ANKRD6: variants seen among roughly 807,000 people sequenced by gnomAD.
The protein encoded by ANKRD6 is ankyrin repeat domain 6.
ANKRD6 carries 56 observed loss-of-function variants against 82.3 expected under a neutral mutation model. The ratio of observed to expected loss-of-function variants is 0.68; its 90% CI spans 0.55 to 0.85. The LOEUF is 0.85. ANKRD6 is among the 40% of genes least tolerant of loss of function. ANKRD6 has a pLI of 0.00. For missense variants in ANKRD6, 852 were observed against 907.6 expected (o/e 0.94, Z 0.79); for synonymous variants, 347 against 352.1 (o/e 0.99, Z 0.16).
chr6:89,594,826 T>C (rs1795558361), intron 2 of ANKRD6, among the ~76,000 whole-genome samples: 1 of 152,202 alleles, frequency 6.6e-6, no homozygotes, highest in Non-Finnish European at 1.5e-5. Context: ...CACTGCAGCC[T>C]TGACCTCCTG....
chr6:89,522,549 A>C (rs1782011929), intron 1 of ANKRD6, among the ~76,000 whole-genome samples: 1 of 151,824 alleles, frequency 6.6e-6, no homozygotes. Context: ...AGAAACAACT[A>C]CTCTTCTAAA....
At chr6:89,610,382 AGC>A (rs1799918926) in intron 5 of ANKRD6, among the ~76,000 whole-genome samples, 6 of 152,144 alleles carry the variant, frequency 3.9e-5, no homozygotes, top group Admixed American at 3.9e-4. Context: ...TCTTAAACTT[AGC>A]ATAATGTTTT....
chr6:89,476,907 A>C (rs1273093395), intron 1 of ANKRD6, among the ~76,000 whole-genome samples: 1 of 152,220 alleles, frequency 6.6e-6, no homozygotes, highest in East Asian at 1.9e-4. Context: ...CTCTTTTCAA[A>C]TATCATTTTT....
At chr6:89,576,700 C>A (rs1390631937) in intron 2 of ANKRD6, among the ~76,000 whole-genome samples, 4 of 152,106 alleles carry the variant, frequency 2.6e-5, no homozygotes, top group African/African-American at 9.7e-5. Flanking sequence ...CTGAAGCTCC[C>A]GTTGGGTCTG....
At chr6:89,492,784 C>T (rs1187550514) in intron 1 of ANKRD6, among the ~76,000 whole-genome samples, 1 of 152,108 alleles carries the variant, frequency 6.6e-6, no homozygotes, top group Non-Finnish European at 1.5e-5. Context: ...AGAACTGGAC[C>T]ATTTGGTACC....
intron 1 of ANKRD6, among the ~76,000 whole-genome samples, chr6:89,488,511 A>G (rs1311903173): frequency 3.3e-5 from 5 of 152,182 alleles, no homozygotes; most frequent in Non-Finnish European, 7.4e-5. Flanking sequence ...GCTGATCTCA[A>G]ATATGTTCAG....
intron 1 of ANKRD6, among the ~76,000 whole-genome samples, chr6:89,446,434 A>C (rs1772101588): frequency 6.6e-6 from 1 of 152,208 alleles, no homozygotes; most frequent in Admixed American, 6.5e-5. Context: ...AGTGAAAGGA[A>C]GAGTCTCACA....
chr6:89,498,345 A>G (rs1446308192), intron 1 of ANKRD6, among the ~76,000 whole-genome samples: 1 of 152,194 alleles, frequency 6.6e-6, no homozygotes, highest in Non-Finnish European at 1.5e-5. Flanking sequence ...GGGGGAAGGT[A>G]AGAGAACTAA....
intron 1 of ANKRD6, among the ~76,000 whole-genome samples, chr6:89,540,318 T>G (rs540903750): frequency 3.3e-5 from 5 of 152,336 alleles, no homozygotes; most frequent in African/African-American, 1.2e-4. Flanking sequence ...TTTTGGATAT[T>G]AAGCCATTTT....
chr6:89,507,128 TAAAC>T (rs953526633), intron 1 of ANKRD6, among the ~76,000 whole-genome samples: 10 of 152,226 alleles, frequency 6.6e-5, no homozygotes, highest in African/African-American at 2.4e-4. Flanking sequence ...ATCTGTAAAA[TAAAC>T]AAAGTAGGCT....
intron 1 of ANKRD6, among the ~76,000 whole-genome samples, chr6:89,511,224 C>G (rs1053806164): frequency 6.6e-6 from 1 of 152,246 alleles, no homozygotes; most frequent in African/African-American, 2.4e-5. Context: ...TGGATTCCTT[C>G]TCCTCTCAGG....
intron 2 of ANKRD6, among the ~76,000 whole-genome samples, chr6:89,571,756 G>A (rs1225310620): frequency 6.6e-6 from 1 of 152,154 alleles, no homozygotes; most frequent in Admixed American, 6.5e-5. Flanking sequence ...CAACTGGTGA[G>A]CCTATACTGA....
intron 1 of ANKRD6, among the ~76,000 whole-genome samples, chr6:89,434,904 A>C (rs1429985093): frequency 6.6e-6 from 1 of 152,182 alleles, no homozygotes; most frequent in Non-Finnish European, 1.5e-5. Flanking sequence ...AGGGTAGAAG[A>C]GGGATGAAGA....
At chr6:89,607,262 G>A (rs561704270) in intron 5 of ANKRD6, among the ~76,000 whole-genome samples, 9 of 151,244 alleles carry the variant, frequency 6.0e-5, no homozygotes, top group African/African-American at 2.2e-4. Context: ...AATGAAATAT[G>A]GAAAAGAAAA....
At chr6:89,558,466 G>T (rs183288211) in intron 1 of ANKRD6, among the ~76,000 whole-genome samples, 1 of 152,142 alleles carries the variant, frequency 6.6e-6, no homozygotes, top group Admixed American at 6.5e-5. Flanking sequence ...AAATAAGCCG[G>T]TCTGAAAAGG....
intron 1 of ANKRD6, among the ~76,000 whole-genome samples, chr6:89,490,041 C>T (rs1473243381): frequency 6.6e-6 from 1 of 152,196 alleles, no homozygotes. Flanking sequence ...TTGTATGCTA[C>T]CCAAGAGTCA....
At position 89,467,065 on chromosome 6, in the gene ANKRD6, T is replaced by C. The variant is rs1444617343; in HGVS notation, c.-144+33690T>C. On this transcript the variant is annotated intron_variant, in intron 1 of 15. Coordinates refer to ENST00000339746, the MANE Select transcript of ANKRD6 (RefSeq NM_001242809.2). The stretch of plus-strand genomic sequence containing the variant: ...TTCACAAGATTTTTTTCAAGCAAGC[T>C]GGGTGCAGTGGCATGTGCCGTAGTC... Among the ~76,000 whole-genome samples the C allele has an allele frequency of 3.9e-5, 6 of 152,058 alleles. 1 individual carries two copies. The highest frequency in any genetic ancestry group is 3.9e-4 in the East Asian group (2 of 5,178).
chr6:89,450,557 T>C (rs1772681216), intron 1 of ANKRD6, among the ~76,000 whole-genome samples: 1 of 152,040 alleles, frequency 6.6e-6, no homozygotes, highest in Non-Finnish European at 1.5e-5. Flanking sequence ...CTCACTTTGT[T>C]GCCCAGGCTG....
intron 1 of ANKRD6, among the ~76,000 whole-genome samples, chr6:89,522,244 C>T (rs1781977904): frequency 6.6e-6 from 1 of 152,148 alleles, no homozygotes; most frequent in Admixed American, 6.5e-5. Context: ...GAGAAGGGTC[C>T]CTGGCAGATG....
Sources: gnomAD v4.1 joint callset for allele counts (sites outside exome capture counted in the v4.1 genomes callset) on GRCh38, gnomAD v4.1.1 for gene constraint, MANE v1.5 for transcripts, NCBI Gene and HGNC (gene_info 2026-07-23, HGNC 2026-07-21) for gene names.